The following MUL1 variants were observed in gnomAD, a reference collection of about 807,000 sequenced individuals.
MUL1 encodes the protein mitochondrial ubiquitin ligase activator of NFKB 1.
A neutral mutation model predicts 34.1 loss-of-function variants in MUL1; 30 were observed. The ratio of observed to expected loss-of-function variants is 0.88; its 90% CI spans 0.66 to 1.19. The LOEUF (loss-of-function observed/expected upper bound fraction) is 1.19, where lower values mean the gene tolerates loss of function less well. Ranked by LOEUF, MUL1 falls within the 50% of genes most tolerant of loss-of-function variation. The pLI is 0.00. For synonymous variants in MUL1, 191 were observed against 187.8 expected (o/e 1.02, Z -0.14); for missense variants, 419 against 450.5 (o/e 0.93, Z 0.63).
At chr1:20,507,124 G>A (rs2051723154) in intron 1 of MUL1, among the ~76,000 whole-genome samples, 1 of 151,760 alleles carries the variant, frequency 6.6e-6, no homozygotes. Flanking sequence ...GCTGAAGCAG[G>A]AGAATCACTT....
intron 1 of MUL1, among the ~76,000 whole-genome samples, 187 bp from the exon 2 acceptor site, chr1:20,503,496 C>T (rs1312912164): frequency 6.6e-6 from 1 of 152,204 alleles, no homozygotes; most frequent in African/African-American, 2.4e-5. Context: ...GGAGCCATGC[C>T]TCTGCCTCTT....
Position 20,500,502 on chromosome 1 carries a change from C to A in MUL1, c.*188G>T. 1.4e-6 allele frequency: 1 copy of A among 708,260 alleles called. No individual in the cohort carries two copies. The highest frequency in any genetic ancestry group is 2.2e-6 in the Non-Finnish European group (1 of 450,106). 43.9% of individuals were successfully genotyped at this position (708,260 alleles called of 1,614,324 possible). Reference sequence around the variant, plus strand: ...AGGCTGCACATGGACAGGGTCCCCTCTCAGGTGGGAAAGGCAGCATCCTGC... The same window carrying A: ...AGGCTGCACATGGACAGGGTCCCCTATCAGGTGGGAAAGGCAGCATCCTGC... On this transcript the variant is annotated 3_prime_UTR_variant, in exon 4 of 4. Transcript: ENST00000264198.
Position 20,500,656 on chromosome 1 carries a change from T to C in MUL1, c.*34A>G, listed in dbSNP as rs762156912. 9.9e-6 allele frequency: 15 copies of C among 1,522,602 alleles called. No homozygotes were observed. The East Asian group carries it at 2.7e-4, about 28-fold the overall frequency. The allele number at this position is 1,522,602 out of a possible 1,614,324, so 94.3% of individuals were successfully genotyped here. Reference sequence around the variant, plus strand: ...AAAATCCCTGAAAAGGGGGCAGGGGTGCTTCCAGGTCAAGCTGTGCGGCTT... The same window carrying C: ...AAAATCCCTGAAAAGGGGGCAGGGGCGCTTCCAGGTCAAGCTGTGCGGCTT... On this transcript the variant is annotated 3_prime_UTR_variant, in exon 4 of 4. Transcript: ENST00000264198.
chr1:20,502,186 G>C lies in MUL1; in HGVS notation c.212C>G (p.Ala71Gly). The C allele has an allele frequency of 6.2e-7, 1 of 1,613,988 alleles. No individual in the cohort carries two copies. The highest frequency in any genetic ancestry group is 8.5e-7 in the Non-Finnish European group (1 of 1,179,976). Residue 71 changes from alanine (A) to glycine (G), a missense_variant, in exon 3 of 4, where the codon GCT becomes GGT. Ala to Gly is a moderately conservative substitution (Grantham distance 60). Coordinates refer to ENST00000264198, the MANE Select transcript of MUL1 (RefSeq NM_024544.3). ...AAGCGTTTCTTTAACAGACCGCACA[G>C]CTCCTAAGTGGACACAAATTCTATT... ...KCVPYAVIEG[A>G]VRSVKETLNS...
chr1:20,501,317 G>A lies in MUL1; in HGVS notation c.432C>T (p.Pro144=), dbSNP rs376478251. The A allele has an allele frequency of 5.6e-6, 9 of 1,614,030 alleles. No homozygotes were observed. In the African/African-American group the frequency reaches 1.1e-4, roughly 19 times the overall value. Reference sequence around the variant, plus strand: ...CTAGACCCAGATCCACTGAGTCCAGGGGCTTCAGCACTCGCACAGCCACAT... The same window carrying A: ...CTAGACCCAGATCCACTGAGTCCAGAGGCTTCAGCACTCGCACAGCCACAT... ...GVDVAVRVLK[P]LDSVDLGLET... The change falls in exon 4 of 4, where the codon CCC becomes CCT. Residue 144 remains proline, a synonymous_variant. Transcript: ENST00000264198. The surrounding 1 kb of genome is among the most constrained non-coding windows in gnomAD (Gnocchi z 4.2).
Position 20,507,971 on chromosome 1 carries a change from G to A in MUL1, c.54C>T (p.Thr18=), listed in dbSNP as rs549373674. The change falls in exon 1 of 4, where the codon ACC becomes ACT. Residue 18 remains threonine (T), a synonymous_variant. Coordinates refer to ENST00000264198, the MANE Select transcript of MUL1 (RefSeq NM_024544.3). ...AGTACAGGGCGGCGGTGACCACAGA[G>A]GTGGTGCCCAGGAGGATGAACTGGC... is the stretch of plus-strand genomic sequence containing the variant. The part of the protein sequence containing the change: ...SLCQFILLGT[T]SVVTAALYSV... The A allele has an allele frequency of 1.5e-4, 243 of 1,594,114 alleles. 3 individuals carry two copies. The Admixed American group carries it at 4.2e-3, about 28-fold the overall frequency.
intron 1 of MUL1, among the ~76,000 whole-genome samples, chr1:20,505,582 C>CAAAAAAAAAAAAAAAAAAAAAAAA (rs11338654): frequency 1.7e-5 from 1 of 57,158 alleles, no homozygotes. Flanking sequence ...GACCATGTCT[C>CAAAAAAAAAAAAAAAAAAAAAAAA]AAAAAAAAAA....
chr1:20,504,690 T>G (rs2051696064), intron 1 of MUL1, among the ~76,000 whole-genome samples: 1 of 152,250 alleles, frequency 6.6e-6, no homozygotes, highest in Admixed American at 6.5e-5. Flanking sequence ...GCTTGGACAC[T>G]GTTTGTCCTG....
chr1:20,500,822 G>A lies in MUL1; in HGVS notation c.927C>T (p.Phe309=), dbSNP rs1570331641. 2.5e-6 allele frequency: 4 copies of A among 1,614,184 alleles called. No homozygotes were observed. Among genetic ancestry groups the A allele is most frequent in the Middle Eastern group, 3.3e-4 (2 of 6,062 alleles). ...CACACTCCAGAAAGACGCAGGACTT[G>A]AAGCTGCTCAGACACACTACACAGG... ...KSACVVCLSS[F]KSCVFLECGH... The change falls in exon 4 of 4, where the codon TTC becomes TTT. Residue 309 remains phenylalanine, a synonymous_variant. Coordinates refer to ENST00000264198, the MANE Select transcript of MUL1 (RefSeq NM_024544.3).
At chr1:20,502,868 T>G (rs77141125) in intron 2 of MUL1, among the ~76,000 whole-genome samples, 5,215 of 152,196 alleles carry the variant, frequency 0.034, 354 homozygotes, top group East Asian at 0.23. Context: ...TTAAAAAATG[T>G]TAAAAATTAA....
rs1487826854 is a variant in MUL1 at position 20,501,215 on chromosome 1, C to A, written c.534G>T (p.Arg178=). The A allele has an allele frequency of 4.3e-6, 7 of 1,614,064 alleles. No homozygotes were observed. The highest frequency in any genetic ancestry group is 1.3e-5 in the African/African-American group (1 of 74,928). Residue 178 remains arginine, a synonymous_variant, in exon 4 of 4, where the codon CGG becomes CGT. Transcript: ENST00000264198. This position sits in a 1 kb window ranked among gnomAD's most constrained non-coding sequence, Gnocchi z 4.2. ...CCTCGGTCTCTTGGATGCCTTTGGGCCGCTCACCGCTGATGTAGTGGCCGA... is the reference window on the plus strand; with the variant it reads ...CCTCGGTCTCTTGGATGCCTTTGGGACGCTCACCGCTGATGTAGTGGCCGA... ...DVIGHYISGE[R]PKGIQETEEM...
chr1:20,501,128 A>G lies in MUL1; in HGVS notation c.621T>C (p.Ser207=), dbSNP rs779065157. 6.2e-7 allele frequency: 1 copy of G among 1,614,118 alleles called. No individual in the cohort carries two copies. Among genetic ancestry groups the G allele is most frequent in the East Asian group, 2.2e-5 (1 of 44,872 alleles). ...GVGELVLDNN[S]VRLQPPKQGM... ...CTTGTTTGGGCGGCTGCAGGCGGAC[A>G]GAGTTGTTGTCCAGGACCAGTTCGC... is the stretch of plus-strand genomic sequence containing the variant. The change falls in exon 4 of 4, where the codon TCT becomes TCC. Residue 207 remains serine (S), a synonymous_variant. Coordinates refer to ENST00000264198, the MANE Select transcript of MUL1 (RefSeq NM_024544.3). The surrounding 1 kb of genome is among the most constrained non-coding windows in gnomAD (Gnocchi z 4.2).
chr1:20,502,250 T>C, intron 2 of MUL1, 61 bp from the exon 3 acceptor site: 1 of 1,608,132 alleles, frequency 6.2e-7, no homozygotes, highest in East Asian at 2.2e-5. Flanking sequence ...TTTCAGATAA[T>C]TTAAAATGTG....
At chr1:20,505,582 C>CAAAAAAAAAAAAAAAAAAAAAAAAA (rs11338654) in intron 1 of MUL1, among the ~76,000 whole-genome samples, 2 of 57,160 alleles carry the variant, frequency 3.5e-5, no homozygotes, top group African/African-American at 1.5e-4. Context: ...GACCATGTCT[C>CAAAAAAAAAAAAAAAAAAAAAAAAA]AAAAAAAAAA....
At chr1:20,507,595 G>A (rs2051728225) in intron 1 of MUL1, among the ~76,000 whole-genome samples, 1 of 152,216 alleles carries the variant, frequency 6.6e-6, no homozygotes, top group African/African-American at 2.4e-5. Context: ...CGAGGGGATG[G>A]ACTTTCATCT....
chr1:20,501,973 T>C lies in MUL1; in HGVS notation c.329+96A>G. 6.6e-7 allele frequency: 1 copy of C among 1,509,252 alleles called. No homozygotes were observed. The highest frequency in any genetic ancestry group is 9.1e-7 in the Non-Finnish European group (1 of 1,094,498). The allele number at this position is 1,509,252 out of a possible 1,614,324, so 93.5% of individuals were successfully genotyped here. A position where few individuals can be genotyped will look rare whatever the true frequency, so the allele number is the denominator to read the frequency against. ...TTAAGAGACTGGGCTTCAACCTGTCTCAGGAGAAGCTGAAGTCACGGCAAC... is the reference window on the plus strand; with the variant it reads ...TTAAGAGACTGGGCTTCAACCTGTCCCAGGAGAAGCTGAAGTCACGGCAAC... On this transcript the variant is annotated intron_variant, in intron 3 of 3. Transcript: ENST00000264198. This position sits in a 1 kb window ranked among gnomAD's most constrained non-coding sequence, Gnocchi z 4.2.
intron 1 of MUL1, among the ~76,000 whole-genome samples, chr1:20,503,823 T>C (rs1251970902): frequency 6.6e-6 from 1 of 152,088 alleles, no homozygotes; most frequent in African/African-American, 2.4e-5. Flanking sequence ...CAGGGGGAGT[T>C]GCCTTTGCTT....
chr1:20,503,367 AACTT>A (rs1206152072), intron 1 of MUL1, 58 bp from the exon 2 acceptor site: 2 of 1,000,452 alleles, frequency 2.0e-6, no homozygotes, highest in Non-Finnish European at 3.0e-6. Flanking sequence ...TGCTCAATCA[AACTT>A]ACAGGCAAAA....
chr1:20,507,416 TCTC>T (rs2051726499), intron 1 of MUL1, among the ~76,000 whole-genome samples: 1 of 152,128 alleles, frequency 6.6e-6, no homozygotes, highest in Admixed American at 6.5e-5. Flanking sequence ...ACTCCCCTCA[TCTC>T]CTCCTAGGCT....
Sources: allele counts gnomAD v4.1 joint callset (sites outside exome capture counted in the v4.1 genomes callset), GRCh38; gene constraint gnomAD v4.1.1; non-coding constraint Gnocchi (gnomAD v3.1); transcripts MANE v1.5; gene names NCBI Gene and HGNC (gene_info 2026-07-23, HGNC 2026-07-21).